SLFN12L: variants seen among roughly 807,000 people sequenced by gnomAD.
The protein encoded by SLFN12L is schlafen family member 12-like.
In SLFN12L, 34 loss-of-function variants were observed where a neutral mutation model predicts 34.8. The ratio of observed to expected loss-of-function variants is 0.98; its 90% CI spans 0.74 to 1.30. SLFN12L has a LOEUF of 1.30. Ranked by LOEUF, SLFN12L falls within the 50% of genes most tolerant of loss-of-function variation. The pLI is 0.00. For missense variants in SLFN12L, 703 were observed against 696.2 expected (o/e 1.01, Z -0.11); for synonymous variants, 259 against 247.5 (o/e 1.05, Z -0.44).
At chr17:35,529,895 T>C (rs553150642) in intron 1 of SLFN12L, among the ~76,000 whole-genome samples, 9 of 151,390 alleles carry the variant, frequency 5.9e-5, no homozygotes, top group Admixed American at 1.3e-4. Context: ...CCTAAAACTA[T>C]TGAAATAATA....
Position 35,468,109 on chromosome 17 carries a change from C to T in SLFN12L, c.*6814G>A, listed in dbSNP as rs1448792433. Among the ~76,000 whole-genome samples the T allele has an allele frequency of 6.6e-6, 1 of 152,118 alleles. No individual in the cohort carries two copies. Among genetic ancestry groups the T allele is most frequent in the South Asian group, 2.1e-4 (1 of 4,822 alleles). On this transcript the variant is annotated 3_prime_UTR_variant, in exon 5 of 5. Coordinates refer to ENST00000628453, the MANE Select transcript of SLFN12L (RefSeq NM_001363830.2). ...TGTTTTTTGTAGAGACAGGGTTTTACCATGTTGCCCAGGCTGGTCTTGAAT... is the reference window on the plus strand; with the variant it reads ...TGTTTTTTGTAGAGACAGGGTTTTATCATGTTGCCCAGGCTGGTCTTGAAT...
intron 2 of SLFN12L, among the ~76,000 whole-genome samples, chr17:35,492,784 G>A (rs753403045): frequency 8.5e-5 from 13 of 152,156 alleles, no homozygotes; most frequent in East Asian, 1.9e-4. Context: ...GGAATATGGC[G>A]TAGTATCTCC....
rs773206643 is a variant in SLFN12L at position 35,465,427 on chromosome 17, G to A, written c.*9496C>T. On this transcript the variant is annotated 3_prime_UTR_variant, in exon 5 of 5. Coordinates refer to ENST00000628453, the MANE Select transcript of SLFN12L (RefSeq NM_001363830.2). ...CTTAAAGTATCTCGTATTGAACATA[G>A]ACTCCATGTCACAATAAATAATAAA... Among the ~76,000 whole-genome samples the A allele has an allele frequency of 5.3e-5, 8 of 151,684 alleles. No homozygotes were observed. The highest frequency in any genetic ancestry group is 3.9e-4 in the East Asian group (2 of 5,192).
At chr17:35,494,836 T>C (rs560597217) in intron 2 of SLFN12L, among the ~76,000 whole-genome samples, 1 of 152,254 alleles carries the variant, frequency 6.6e-6, no homozygotes, top group East Asian at 1.9e-4. Context: ...TTATTTAACA[T>C]TTTTATGTTT....
At chr17:35,513,545 T>G (rs1489344235) in intron 2 of SLFN12L, among the ~76,000 whole-genome samples, 1 of 152,168 alleles carries the variant, frequency 6.6e-6, no homozygotes, top group Non-Finnish European at 1.5e-5. Context: ...TACCAACAGA[T>G]GCCACCAAGT....
At chr17:35,521,098 C>G (rs1915982899) in intron 2 of SLFN12L, among the ~76,000 whole-genome samples, 2 of 152,080 alleles carry the variant, frequency 1.3e-5, no homozygotes, top group African/African-American at 4.8e-5. Context: ...CAGACAAACC[C>G]AAAAGGGACA....
chr17:35,530,542 G>GAAAAGAAAAGA lies in SLFN12L; in HGVS notation c.-606+7030_-606+7031insTCTTTTCTTTT, dbSNP rs1266822417. Among the ~76,000 whole-genome samples the GAAAAGAAAAGA allele has an allele frequency of 1.6e-3, 17 of 10,648 alleles. 1 individual carries two copies. The highest frequency in any genetic ancestry group is 2.3e-3 in the African/African-American group (15 of 6,644). 7.0% of individuals were successfully genotyped at this position (10,648 alleles called of 152,430 possible). A position where few individuals can be genotyped will look rare whatever the true frequency, so the allele number is the denominator to read the frequency against. On this transcript the variant is annotated intron_variant, in intron 1 of 4. Transcript: ENST00000628453. ...GAAAAGAAAAGAAAAGAAAAGAAAAGAAAGAAAGAAAGAAAGAGAAAGGGA... is the reference window on the plus strand; with the variant it reads ...GAAAAGAAAAGAAAAGAAAAGAAAAGAAAAGAAAAGAAAAGAAAGAAAGAAAGAGAAAGGGA...
rs1567693789 is a variant in SLFN12L, at chr17:35,530,425, GGAAGGGAAGGGAAGGGAAGAAA to G, written c.-606+7126_-606+7147del. 9.8e-3 allele frequency among the ~76,000 whole-genome samples: 82 copies of G among 8,366 alleles called. 11 individuals are homozygous for G. Among genetic ancestry groups the G allele is most frequent in the Admixed American group, 0.039 (25 of 648 alleles). 5.5% of individuals were successfully genotyped at this position (8,366 alleles called of 152,430 possible). On this transcript the variant is annotated intron_variant, in intron 1 of 4. Coordinates refer to ENST00000628453, the MANE Select transcript of SLFN12L (RefSeq NM_001363830.2). ...AGGAAGGAAGGAAGGAAGGAAGGAAGGAAGGGAAGGGAAGGGAAGAAAGAAAGAAAGAAAGAAAGAAAGAAAG... is the reference window on the plus strand; with the variant it reads ...AGGAAGGAAGGAAGGAAGGAAGGAAGGAAAGAAAGAAAGAAAGAAAGAAAG...
Position 35,474,999 on chromosome 17 carries a change from T to G in SLFN12L, c.1763A>C (p.Asn588Thr). ...CAAACAAACAAACAAAAAGATTTGATTCTCCTTAGGTAAGATATTTGAAAG... is the reference window on the plus strand; with the variant it reads ...CAAACAAACAAACAAAAAGATTTGAGTCTCCTTAGGTAAGATATTTGAAAG... ...KALSNILPKE[N>T]QIFLFVCLFR... Residue 588 changes from asparagine to threonine, a missense_variant, in exon 5 of 5, where the codon AAT becomes ACT. Coordinates refer to ENST00000628453, the MANE Select transcript of SLFN12L (RefSeq NM_001363830.2). 6.4e-7 allele frequency: 1 copy of G among 1,573,306 alleles called. No homozygotes were observed. Among genetic ancestry groups the G allele is most frequent in the Non-Finnish European group, 8.6e-7 (1 of 1,157,614 alleles).
At chr17:35,511,570 T>TACACAC (rs1404940993) in intron 2 of SLFN12L, among the ~76,000 whole-genome samples, 2 of 101,620 alleles carry the variant, frequency 2.0e-5, no homozygotes, top group African/African-American at 7.8e-5. Context: ...ACCTCGTCTC[T>TACACAC]ACACACACAC....
chr17:35,479,089 T>G, intron 3 of SLFN12L, 28 bp downstream of exon 3: 1 of 1,496,408 alleles, frequency 6.7e-7, no homozygotes, highest in South Asian at 1.3e-5. Flanking sequence ...GCCAAAGGTA[T>G]CCTTATTGCC....
chr17:35,504,827 A>G lies in SLFN12L; in HGVS notation c.86+17452T>C, dbSNP rs918035916. Among the ~76,000 whole-genome samples, 7 of 152,226 alleles carry G rather than the reference A, an allele frequency of 4.6e-5. No homozygotes were observed. The South Asian group carries it at 1.4e-3, about 31-fold the overall frequency. ...CTTAAGAATTTTCAAGAGCTTATCA[A>G]TCAGTCAGCCCTTGTTCATCCCTGA... On this transcript the variant is annotated intron_variant, in intron 2 of 4. Transcript: ENST00000628453.
At chr17:35,476,966 G>T (rs1914060456) in intron 4 of SLFN12L, among the ~76,000 whole-genome samples, 1 of 152,188 alleles carries the variant, frequency 6.6e-6, no homozygotes, top group Non-Finnish European at 1.5e-5. Flanking sequence ...TCAGACATTG[G>T]AGTCATCAAA....
At chr17:35,511,379 C>A (rs1324043662) in intron 2 of SLFN12L, among the ~76,000 whole-genome samples, 1 of 152,152 alleles carries the variant, frequency 6.6e-6, no homozygotes, top group Admixed American at 6.5e-5. Flanking sequence ...TAAACTTACT[C>A]ATGGGTAAAA....
chr17:35,490,497 A>G (rs1567659865), intron 2 of SLFN12L: 2 of 931,118 alleles, frequency 2.1e-6, no homozygotes, highest in East Asian at 4.8e-5. Flanking sequence ...AAGCTCTGAA[A>G]GGCATCCATC....
chr17:35,503,410 G>A (rs1384099701), intron 2 of SLFN12L, among the ~76,000 whole-genome samples: 2 of 152,028 alleles, frequency 1.3e-5, no homozygotes, highest in South Asian at 2.1e-4. Flanking sequence ...CTAATGGTCC[G>A]ACATTAAAAA....
At chr17:35,488,294 G>C (rs1914688818) in intron 2 of SLFN12L, among the ~76,000 whole-genome samples, 1 of 152,224 alleles carries the variant, frequency 6.6e-6, no homozygotes, top group African/African-American at 2.4e-5. Flanking sequence ...CTGTCCCCTT[G>C]CTTGAAAGCG....
intron 2 of SLFN12L, chr17:35,491,157 C>A: frequency 1.2e-6 from 1 of 812,806 alleles, no homozygotes; most frequent in Admixed American, 2.0e-5. Context: ...TCCTGAGCCT[C>A]GGGGAGGAGG....
chr17:35,479,520 T>C lies in SLFN12L; in HGVS notation c.762A>G (p.Glu254=), dbSNP rs1298228345. ...THVEIKNFST[E]KLLQRITEIL... ...TCTCTGTAATTCGTTGTAACAACTT[T>C]TCAGTCGAGAAGTTTTTTATTTCAA... The change falls in exon 3 of 5, where the codon GAA becomes GAG. Residue 254 remains glutamate, a synonymous_variant. Transcript: ENST00000628453. 8 of 1,614,206 alleles carry C rather than the reference T, an allele frequency of 5.0e-6. No individual in the cohort carries two copies. The highest frequency in any genetic ancestry group is 5.1e-6 in the Non-Finnish European group (6 of 1,180,028).
Sources: gnomAD v4.1 joint callset for allele counts (sites outside exome capture counted in the v4.1 genomes callset) on GRCh38, gnomAD v4.1.1 for gene constraint, MANE v1.5 for transcripts, NCBI Gene and HGNC (gene_info 2026-07-23, HGNC 2026-07-21) for gene names.